The following SORCS1 variants were observed in gnomAD, a reference collection of about 807,000 sequenced individuals.
The protein encoded by SORCS1 is sortilin related VPS10 domain containing receptor 1.
In SORCS1, 60 loss-of-function variants were observed where a neutral mutation model predicts 146.1. That is an observed-to-expected ratio of 0.41 (90% CI 0.33 to 0.51). SORCS1 has a LOEUF of 0.51. Ranked by LOEUF, SORCS1 falls within the 20% of genes least tolerant of loss-of-function variation. The pLI is 0.21. For missense variants in SORCS1, 1,352 were observed against 1,487.6 expected (o/e 0.91, Z 1.50); for synonymous variants, 637 against 584.0 (o/e 1.09, Z -1.31).
At chr10:106,641,575 A>G (rs1340412435) in intron 18 of SORCS1, among the ~76,000 whole-genome samples, 1 of 152,144 alleles carries the variant, frequency 6.6e-6, no homozygotes, top group African/African-American at 2.4e-5. Context: ...TCAAATGTTA[A>G]GAGTCTTTTA....
chr10:106,740,959 A>G (rs1289073557), intron 5 of SORCS1, among the ~76,000 whole-genome samples: 2 of 152,258 alleles, frequency 1.3e-5, no homozygotes, highest in Non-Finnish European at 2.9e-5. Flanking sequence ...AAAAAAGAGT[A>G]GAGATAATAG....
At chr10:106,872,567 A>C (rs921054985) in intron 2 of SORCS1, among the ~76,000 whole-genome samples, 3 of 152,196 alleles carry the variant, frequency 2.0e-5, no homozygotes, top group African/African-American at 7.2e-5. Flanking sequence ...TCCCAAATGC[A>C]AAATAGGGAT....
chr10:106,864,344 C>T (rs1950146900), intron 2 of SORCS1, among the ~76,000 whole-genome samples: 1 of 152,136 alleles, frequency 6.6e-6, no homozygotes, highest in South Asian at 2.1e-4. Flanking sequence ...GAGTGTGTGA[C>T]TCTGGGAACC....
chr10:106,682,944 C>T (rs1271686802), intron 10 of SORCS1, among the ~76,000 whole-genome samples: 1 of 152,160 alleles, frequency 6.6e-6, no homozygotes, highest in Non-Finnish European at 1.5e-5. Flanking sequence ...CCCTTTGCAT[C>T]CTCACACATA....
At chr10:107,155,083 G>C (rs896626703) in intron 1 of SORCS1, among the ~76,000 whole-genome samples, 3 of 152,156 alleles carry the variant, frequency 2.0e-5, no homozygotes, top group Admixed American at 6.5e-5. Context: ...AGCCATGGAA[G>C]ATAATTTTTT....
chr10:106,603,175 A>G (rs1311362323), intron 23 of SORCS1, among the ~76,000 whole-genome samples: 1 of 152,070 alleles, frequency 6.6e-6, no homozygotes, highest in African/African-American at 2.4e-5. Context: ...CAGGAGAGAC[A>G]GAAACAAATT....
At chr10:106,675,298 G>C in intron 13 of SORCS1, 142 bp from the exon 14 acceptor site, 2 of 609,412 alleles carry the variant, frequency 3.3e-6, no homozygotes, top group Non-Finnish European at 5.7e-6. Context: ...ATATGAATAA[G>C]TATTCTTAAT....
chr10:107,154,164 T>C (rs549582392), intron 1 of SORCS1, among the ~76,000 whole-genome samples: 1 of 151,814 alleles, frequency 6.6e-6, no homozygotes, highest in South Asian at 2.1e-4. Context: ...GACACCCACT[T>C]GGCTAATTTT....
intron 4 of SORCS1, among the ~76,000 whole-genome samples, chr10:106,767,787 G>A (rs566278246): frequency 1.3e-5 from 2 of 152,214 alleles, no homozygotes; most frequent in South Asian, 4.2e-4. Flanking sequence ...CACCACGCCC[G>A]GCCCCTTAAA....
chr10:107,047,438 T>C (rs1459560243), intron 1 of SORCS1, among the ~76,000 whole-genome samples: 2 of 152,244 alleles, frequency 1.3e-5, no homozygotes, highest in Non-Finnish European at 2.9e-5. Flanking sequence ...TAGGTTATTA[T>C]TTTGTTACTG....
chr10:106,621,849 C>T (rs1847767725), intron 19 of SORCS1, among the ~76,000 whole-genome samples: 1 of 152,202 alleles, frequency 6.6e-6, no homozygotes, highest in African/African-American at 2.4e-5. Context: ...CTGGTTCATA[C>T]TCTAAGCACG....
chr10:106,656,869 T>C (rs1850335232), intron 17 of SORCS1, among the ~76,000 whole-genome samples: 1 of 152,166 alleles, frequency 6.6e-6, no homozygotes, highest in Non-Finnish European at 1.5e-5. Context: ...GATCAGTTTG[T>C]TTTTGTTTTT....
chr10:107,115,186 T>A lies in SORCS1; in HGVS notation c.558+48783A>T, dbSNP rs531225364. 3.3e-3 allele frequency among the ~76,000 whole-genome samples: 506 copies of A among 151,856 alleles called. 2 individuals carry two copies. The highest frequency in any genetic ancestry group is 0.017 in the Middle Eastern group (5 of 294). On this transcript the variant is annotated intron_variant, in intron 1 of 25. Transcript: ENST00000263054. Reference sequence around the variant, plus strand: ...TAAACGTCCATATTGCCAAAAGTGATCTACAAAGTCAGTGCAATCTCTGTC... The same window carrying A: ...TAAACGTCCATATTGCCAAAAGTGAACTACAAAGTCAGTGCAATCTCTGTC...
chr10:106,825,997 AT>A (rs1406543411), intron 3 of SORCS1, among the ~76,000 whole-genome samples: 1 of 152,198 alleles, frequency 6.6e-6, no homozygotes, highest in Non-Finnish European at 1.5e-5. Flanking sequence ...AGCTGCTGTA[AT>A]TTACAGCAGG....
At chr10:106,758,107 G>A (rs1367363387) in intron 5 of SORCS1, among the ~76,000 whole-genome samples, 1 of 152,204 alleles carries the variant, frequency 6.6e-6, no homozygotes, top group African/African-American at 2.4e-5. Context: ...ACAATAATGT[G>A]TAATGGCTTT....
chr10:106,622,959 T>A (rs1847850045), intron 19 of SORCS1, among the ~76,000 whole-genome samples: 1 of 152,212 alleles, frequency 6.6e-6, no homozygotes, highest in Admixed American at 6.5e-5. Context: ...AAATGCACTT[T>A]CCACCTGGTT....
At chr10:107,089,431 A>T (rs187921839) in intron 1 of SORCS1, among the ~76,000 whole-genome samples, 14 of 152,328 alleles carry the variant, frequency 9.2e-5, no homozygotes, top group Non-Finnish European at 1.5e-5. Context: ...AAGTTATCCT[A>T]GACACATGAA....
At chr10:107,012,961 TCTA>T (rs1239490234) in intron 1 of SORCS1, among the ~76,000 whole-genome samples, 1 of 152,170 alleles carries the variant, frequency 6.6e-6, no homozygotes, top group African/African-American at 2.4e-5. Context: ...TTGTTTCTCT[TCTA>T]CACCTCCTTA....
chr10:106,987,996 TAGTAA>T (rs1956561796), intron 1 of SORCS1, among the ~76,000 whole-genome samples: 1 of 152,198 alleles, frequency 6.6e-6, no homozygotes, highest in South Asian at 2.1e-4. Context: ...GACCCTGTTA[TAGTAA>T]AGGCCATTTC....
Sources: allele counts gnomAD v4.1 joint callset (sites outside exome capture counted in the v4.1 genomes callset), GRCh38; gene constraint gnomAD v4.1.1; transcripts MANE v1.5; gene names NCBI Gene and HGNC (gene_info 2026-07-23, HGNC 2026-07-21).